The following NEBL variants were observed in gnomAD, a reference collection of about 807,000 sequenced individuals.
NEBL encodes nebulette, also known as LIM and SH3 protein 2.
In NEBL, 122 loss-of-function variants were observed where a neutral mutation model predicts 140.2. That is an observed-to-expected ratio of 0.87 (90% CI 0.75 to 1.01). The LOEUF (loss-of-function observed/expected upper bound fraction) is 1.01, where lower values mean the gene tolerates loss of function less well. NEBL is among the 50% of genes least tolerant of loss of function. The pLI is 0.00. For missense variants in NEBL, 1,365 were observed against 1,231.3 expected (o/e 1.11, Z -1.62); for synonymous variants, 436 against 398.9 (o/e 1.09, Z -1.11).
chr10:20,795,560 A>ATGTG (rs113613364), intron 26 of NEBL, among the ~76,000 whole-genome samples: 47 of 151,034 alleles, frequency 3.1e-4, no homozygotes, highest in Admixed American at 4.0e-4. Flanking sequence ...TGCGTGTGCA[A>ATGTG]TGTGTGTGTG....
chr10:21,176,148 A>T (rs114400155), upstream of NEBL, among the ~76,000 whole-genome samples: 1 of 152,162 alleles, frequency 6.6e-6, no homozygotes, highest in Middle Eastern at 3.4e-3. Flanking sequence ...GACCACAGGC[A>T]TATGCCACTA....
chr10:21,034,165 T>G (rs1589157266), intron 2 of NEBL, among the ~76,000 whole-genome samples: 1 of 79,072 alleles, frequency 1.3e-5, no homozygotes, highest in Admixed American at 1.9e-4. Context: ...AGACCCTATC[T>G]CGAAAAAAAA....
At chr10:20,918,218 C>A (rs1833401913) in intron 4 of NEBL, among the ~76,000 whole-genome samples, 1 of 152,060 alleles carries the variant, frequency 6.6e-6, no homozygotes, top group South Asian at 2.1e-4. Flanking sequence ...ATTAGCTGGA[C>A]ATGGTGACAA....
intron 11 of NEBL, among the ~76,000 whole-genome samples, chr10:20,847,994 AT>A (rs376309590): frequency 6.6e-6 from 1 of 152,040 alleles, no homozygotes; most frequent in Admixed American, 6.6e-5. Context: ...CAAACTGCAC[AT>A]TTTTTTTCTA....
intron 3 of NEBL, among the ~76,000 whole-genome samples, chr10:21,241,642 A>G (rs1272076625): frequency 6.6e-6 from 1 of 152,110 alleles, no homozygotes; most frequent in Non-Finnish European, 1.5e-5. Context: ...GGAGAAAGAC[A>G]TGCAAGATTT....
chr10:21,125,510 T>C (rs1346296871), intron 2 of NEBL, among the ~76,000 whole-genome samples: 1 of 152,164 alleles, frequency 6.6e-6, no homozygotes, highest in Non-Finnish European at 1.5e-5. Flanking sequence ...CCTTTTTTCC[T>C]GCTAAATAAA....
Position 20,785,552 on chromosome 10 carries a change from T to C in NEBL, c.*195A>G. 1 of 646,512 alleles carries C rather than the reference T, an allele frequency of 1.5e-6. No homozygotes were observed. Among genetic ancestry groups the C allele is most frequent in the Non-Finnish European group, 2.6e-6 (1 of 377,974 alleles). The allele number at this position is 646,512 out of a possible 1,614,324, so 40.0% of individuals were successfully genotyped here. Reference sequence around the variant, plus strand: ...GTCCAGACACAAAGATTTTTGTTTGTAGGAATTACTGAAAATGCTGCTGTT... The same window carrying C: ...GTCCAGACACAAAGATTTTTGTTTGCAGGAATTACTGAAAATGCTGCTGTT... On this transcript the variant is annotated 3_prime_UTR_variant, in exon 28 of 28. Transcript: ENST00000377122.
intron 4 of NEBL, among the ~76,000 whole-genome samples, chr10:20,913,990 A>C (rs1202878803): frequency 6.6e-6 from 1 of 152,206 alleles, no homozygotes. Context: ...GCTATAGCAG[A>C]CATGTCAATA....
At chr10:21,084,835 C>T (rs745799005) in intron 2 of NEBL, among the ~76,000 whole-genome samples, 1 of 152,162 alleles carries the variant, frequency 6.6e-6, no homozygotes, top group African/African-American at 2.4e-5. Flanking sequence ...AACCCGGTTG[C>T]TGCCAAGACT....
chr10:20,924,197 G>T (rs1334300090), intron 4 of NEBL, among the ~76,000 whole-genome samples: 1 of 151,868 alleles, frequency 6.6e-6, no homozygotes, highest in Non-Finnish European at 1.5e-5. Flanking sequence ...GCTCTTATTG[G>T]CATTTCATGG....
intron 26 of NEBL, among the ~76,000 whole-genome samples, chr10:20,790,603 A>C (rs1158475275): frequency 1.3e-5 from 2 of 151,548 alleles, no homozygotes; most frequent in Non-Finnish European, 2.9e-5. Flanking sequence ...TCTGTCTCAA[A>C]AAAAAAAAAA....
intron 3 of NEBL, among the ~76,000 whole-genome samples, chr10:21,226,573 C>T (rs1589337127): frequency 6.6e-6 from 1 of 152,170 alleles, no homozygotes; most frequent in East Asian, 1.9e-4. Flanking sequence ...ATGAGTGATG[C>T]CCCTCTGGCT....
chr10:21,118,708 CAG>C (rs1164409806), intron 2 of NEBL, among the ~76,000 whole-genome samples: 1 of 152,046 alleles, frequency 6.6e-6, no homozygotes, highest in Non-Finnish European at 1.5e-5. Flanking sequence ...CTCAGTGAAA[CAG>C]AGTCAGTTTT....
intron 2 of NEBL, among the ~76,000 whole-genome samples, chr10:21,163,688 T>G (rs1840647664): frequency 6.6e-6 from 1 of 152,170 alleles, no homozygotes; most frequent in South Asian, 2.1e-4. Flanking sequence ...ATCAAAGATT[T>G]TTATCCAAAT....
intron 2 of NEBL, among the ~76,000 whole-genome samples, chr10:21,249,919 C>T (rs969718242): frequency 6.6e-6 from 1 of 151,972 alleles, no homozygotes; most frequent in African/African-American, 2.4e-5. Flanking sequence ...TAAAAATTGA[C>T]TGGGTGTGGT....
chr10:21,133,121 C>T (rs1348852375), intron 2 of NEBL, among the ~76,000 whole-genome samples: 6 of 152,014 alleles, frequency 3.9e-5, no homozygotes, highest in Non-Finnish European at 5.9e-5. Context: ...AGTCTTTAGC[C>T]CATTTTGAGT....
At chr10:21,136,362 T>C (rs1839355626) in intron 2 of NEBL, among the ~76,000 whole-genome samples, 1 of 152,200 alleles carries the variant, frequency 6.6e-6, no homozygotes, top group African/African-American at 2.4e-5. Context: ...AGGGTCTCAC[T>C]CTCTTGCCCA....
chr10:20,943,334 A>G lies in NEBL; in HGVS notation c.357+18338T>C, dbSNP rs190855439. Among the ~76,000 whole-genome samples the G allele has an allele frequency of 7.2e-3, 1,092 of 152,326 alleles. 14 individuals carry two copies. The highest frequency in any genetic ancestry group is 0.01 in the Non-Finnish European group (706 of 68,034). On this transcript the variant is annotated intron_variant, in intron 4 of 6. Coordinates refer to the NEBL transcript ENST00000417816. ...AACCCATCATTCTCAGCAAACTATC[A>G]CAAGGACAAAAAACCAAACACCGCA... is the stretch of plus-strand genomic sequence containing the variant.
intron 2 of NEBL, among the ~76,000 whole-genome samples, chr10:21,066,822 T>A (rs1389125826): frequency 6.6e-6 from 1 of 151,444 alleles, no homozygotes; most frequent in African/African-American, 2.4e-5. Flanking sequence ...TACATTGTTC[T>A]GCGGTTTTTC....
Sources: allele counts gnomAD v4.1 joint callset (sites outside exome capture counted in the v4.1 genomes callset), GRCh38; gene constraint gnomAD v4.1.1; transcripts MANE v1.5; gene names NCBI Gene and HGNC (gene_info 2026-07-23, HGNC 2026-07-21).